MAOA: variants seen among roughly 807,000 people sequenced by gnomAD.
The protein encoded by MAOA is monoamine oxidase A, also known as amine oxidase [flavin-containing] A.
In MAOA, 6 loss-of-function variants were observed where a neutral mutation model predicts 42.0. That is an observed-to-expected ratio of 0.14 (90% confidence interval 0.08 to 0.28). MAOA has a LOEUF of 0.28. Among genes scored for constraint, MAOA ranks in the 10% least tolerant of loss-of-function variants. The pLI, the probability that MAOA is intolerant of heterozygous loss-of-function variation, is 1.00. For synonymous variants in MAOA, 140 were observed against 154.0 expected (o/e 0.91, Z 0.67); for missense variants, 262 against 422.3 (o/e 0.62, Z 3.33).
At chrX:43,704,290 A>G (rs929457027) in intron 3 of MAOA, among the ~76,000 whole-genome samples, 36 of 111,802 alleles carry the variant, frequency 3.2e-4, no homozygotes, top group African/African-American at 1.1e-3. Flanking sequence ...ATACACCATG[A>G]CTAAGTAGGA....
chrX:43,675,244 G>A (rs1336070060), intron 1 of MAOA, among the ~76,000 whole-genome samples: 9 of 111,574 alleles, frequency 8.1e-5, no homozygotes, highest in African/African-American at 2.9e-4. Flanking sequence ...GGCTCCTGAG[G>A]CTTCTGCATT....
At chrX:43,721,862 C>T (rs1320081246) in intron 5 of MAOA, among the ~76,000 whole-genome samples, 1 of 110,211 alleles carries the variant, frequency 9.1e-6, no homozygotes, top group Non-Finnish European at 1.9e-5. Flanking sequence ...CTGACAGGCC[C>T]TGGTGTGTGA....
intron 10 of MAOA, among the ~76,000 whole-genome samples, chrX:43,740,352 CT>C (rs1451936061): frequency 8.9e-6 from 1 of 112,005 alleles, no homozygotes; most frequent in African/African-American, 3.2e-5. Flanking sequence ...GTTCCTAAGA[CT>C]GGCTAAACTT....
chrX:43,700,748 A>T (rs2033618315), intron 3 of MAOA, among the ~76,000 whole-genome samples: 1 of 112,529 alleles, frequency 8.9e-6, no homozygotes, highest in Non-Finnish European at 1.9e-5. Context: ...ATGTAAACTT[A>T]TTATTCAAAG....
At chrX:43,695,205 C>T (rs1415167902) in intron 3 of MAOA, among the ~76,000 whole-genome samples, 1 of 112,000 alleles carries the variant, frequency 8.9e-6, no homozygotes, top group East Asian at 2.8e-4. Context: ...TTTGTCCTCA[C>T]ACACATCTAC....
chrX:43,657,273 T>TTTTATA (rs751142000), intron 1 of MAOA, among the ~76,000 whole-genome samples: 1 of 79,447 alleles, frequency 1.3e-5, no homozygotes, highest in Non-Finnish European at 2.4e-5. Context: ...TGAACTGTGT[T>TTTTATA]TATATATATA....
chrX:43,712,673 C>T, intron 4 of MAOA, 32 bp from the exon 5 acceptor site: 1 of 1,041,808 alleles, frequency 9.6e-7, no homozygotes. Context: ...CAGTTACCAT[C>T]AAACCTGAGA....
intron 1 of MAOA, among the ~76,000 whole-genome samples, chrX:43,679,443 G>A (rs750202254): frequency 9.1e-6 from 1 of 109,960 alleles, no homozygotes; most frequent in South Asian, 3.9e-4. Context: ...ACTTTGTTGT[G>A]GTCATATCAG....
At chrX:43,734,132 CTTTTTTTTTTTT>C (rs745875170) in intron 9 of MAOA, among the ~76,000 whole-genome samples, 2 of 62,434 alleles carry the variant, frequency 3.2e-5, no homozygotes, top group African/African-American at 5.3e-5. Flanking sequence ...TTTGGGCTTT[CTTTTTTTTTTTT>C]TTTTTTTGGA....
rs1004350064 is a variant in MAOA, at chrX:43,745,260, C to T, written c.*747C>T. On this transcript the variant is annotated 3_prime_UTR_variant, in exon 15 of 15. Transcript: ENST00000338702. The stretch of plus-strand genomic sequence containing the variant: ...CTTGCTGTGACTTATGTGCAGCTTT[C>T]CAGTTGAGCAGAGGAAAATAGTGGC... The T allele has an allele frequency of 8.9e-6, 1 of 112,244 alleles. No individual in the cohort carries two copies. The highest frequency in any genetic ancestry group is 3.3e-5 in the African/African-American group (1 of 30,683). 9.3% of individuals were successfully genotyped at this position (112,244 alleles called of 1,213,427 possible).
At chrX:43,693,269 A>G in intron 2 of MAOA, 22 bp from the exon 3 acceptor site, 1 of 1,207,913 alleles carries the variant, frequency 8.3e-7, no homozygotes, top group Non-Finnish European at 1.1e-6. Flanking sequence ...AAGTCCTCTG[A>G]CCAATTTTTC....
At chrX:43,691,093 C>T (rs1036389152) in intron 2 of MAOA, among the ~76,000 whole-genome samples, 7 of 111,621 alleles carry the variant, frequency 6.3e-5, no homozygotes, top group East Asian at 2.8e-4. Context: ...CAAATAAATA[C>T]GAGATCAGAG....
intron 5 of MAOA, among the ~76,000 whole-genome samples, chrX:43,719,473 G>T (rs1354735821): frequency 9.0e-6 from 1 of 111,550 alleles, no homozygotes; most frequent in African/African-American, 3.3e-5. Flanking sequence ...GGTGTAGCAG[G>T]ATGGTATCTT....
chrX:43,670,250 G>C (rs780104949), intron 1 of MAOA, among the ~76,000 whole-genome samples: 24 of 111,841 alleles, frequency 2.1e-4, no homozygotes, highest in African/African-American at 7.1e-4. Flanking sequence ...TAGCTCTATA[G>C]CAGGAGCTCT....
chrX:43,667,464 G>T (rs1444638991), intron 1 of MAOA, among the ~76,000 whole-genome samples: 1 of 111,349 alleles, frequency 9.0e-6, no homozygotes, highest in African/African-American at 3.3e-5. Flanking sequence ...CTTTAGCTAG[G>T]TTTATGATAC....
At chrX:43,687,799 T>A (rs2033498950) in intron 2 of MAOA, among the ~76,000 whole-genome samples, 1 of 112,465 alleles carries the variant, frequency 8.9e-6, no homozygotes, top group Admixed American at 9.4e-5. Context: ...CTCAGAGTCA[T>A]GCTCAACACT....
intron 1 of MAOA, among the ~76,000 whole-genome samples, chrX:43,667,140 T>TA (rs2033289165): frequency 1.8e-5 from 2 of 110,647 alleles, no homozygotes; most frequent in African/African-American, 6.6e-5. Context: ...AAAGTATATA[T>TA]ATAAAAAAAG....
intron 4 of MAOA, 96 bp downstream of exon 4, chrX:43,712,072 C>G: frequency 3.0e-6 from 2 of 659,196 alleles, no homozygotes; most frequent in Non-Finnish European, 5.0e-6. Context: ...TTGCTCTGGA[C>G]ACCAATGCAT....
At chrX:43,694,337 G>T (rs1213841932) in intron 3 of MAOA, among the ~76,000 whole-genome samples, 1 of 111,943 alleles carries the variant, frequency 8.9e-6, no homozygotes, top group African/African-American at 3.3e-5. Flanking sequence ...TGGGAGTTGA[G>T]GATACTTGTG....
Sources: gnomAD v4.1 joint callset for allele counts (sites outside exome capture counted in the v4.1 genomes callset) on GRCh38, gnomAD v4.1.1 for gene constraint, MANE v1.5 for transcripts, NCBI Gene and HGNC (gene_info 2026-07-23, HGNC 2026-07-21) for gene names.